UNC13A: variants seen among roughly 807,000 people sequenced by gnomAD.
UNC13A encodes the protein unc-13 homolog A.
Under a neutral mutation model 219.7 loss-of-function variants are expected in UNC13A, and 61 were observed. That is an observed-to-expected ratio of 0.28 (90% CI 0.23 to 0.34). The LOEUF (loss-of-function observed/expected upper bound fraction) is 0.34. Among genes scored for constraint, UNC13A ranks in the 10% least tolerant of loss-of-function variants. UNC13A has a pLI of 1.00. For missense variants in UNC13A, 1,476 were observed against 2,270.3 expected (o/e 0.65, Z 7.11); for synonymous variants, 920 against 884.6 (o/e 1.04, Z -0.71).
In UNC13A at chr19:17,627,849, C is replaced by T. The variant is rs76225638; in HGVS notation, c.3831+14G>A. On this transcript the variant is annotated intron_variant, in intron 32 of 43. Transcript: ENST00000519716. The surrounding 1 kb of genome is among the most constrained non-coding windows in gnomAD (Gnocchi z 4.7). Reference sequence around the variant, plus strand: ...CCCCATCCCTTCTCCAGCCCTGCCTCGGCCCTGCCTCACCTCCTTTCCTCC... The same window carrying T: ...CCCCATCCCTTCTCCAGCCCTGCCTTGGCCCTGCCTCACCTCCTTTCCTCC... 0.048 allele frequency: 77,024 copies of T among 1,590,416 alleles called. 2,092 individuals are homozygous for T. Among genetic ancestry groups the T allele is most frequent in the Non-Finnish European group, 0.055 (64,470 of 1,166,640 alleles).
Position 17,604,234 on chromosome 19 carries a change from TCTCCCCAACTTAAAACAGCTCCTGGAG to T in UNC13A, c.*1793_*1819del, listed in dbSNP as rs1720485455. The T allele has an allele frequency of 1.3e-5, 2 of 152,100 alleles. No homozygotes were observed. Among genetic ancestry groups the T allele is most frequent in the South Asian group, 2.1e-4 (1 of 4,826 alleles). The allele number at this position is 152,100 out of a possible 1,614,324, so 9.4% of individuals were successfully genotyped here. A position where few individuals can be genotyped will look rare whatever the true frequency, so the allele number is the denominator to read the frequency against. ...AGCTTTTGCAGGCTGGAATCCAGTC[TCTCCCCAACTTAAAACAGCTCCTGGAG>T]CTCCCCAACTGTCTTAGAATAAAAG... On this transcript the variant is annotated 3_prime_UTR_variant, in exon 44 of 44. Coordinates refer to ENST00000519716, the MANE Select transcript of UNC13A (RefSeq NM_001080421.3).
In UNC13A at chr19:17,620,825, A is replaced by T. The variant is rs996272746; in HGVS notation, c.4243-103T>A. 4 of 1,365,240 alleles carry T rather than the reference A, an allele frequency of 2.9e-6. No individual in the cohort carries two copies. In the African/African-American group the frequency reaches 4.3e-5, roughly 15 times the overall value. 84.6% of individuals were successfully genotyped at this position (1,365,240 alleles called of 1,614,324 possible). On this transcript the variant is annotated intron_variant, in intron 37 of 43. Transcript: ENST00000519716. ...AAAGCACAGTCTCACTTCCCAGCCC[A>T]GGAGCTCCTCCCCAGGTCCTGGGTC...
chr19:17,606,049 C>A lies in UNC13A; in HGVS notation c.*5G>T. On this transcript the variant is annotated 3_prime_UTR_variant, in exon 44 of 44. Coordinates refer to ENST00000519716, the MANE Select transcript of UNC13A (RefSeq NM_001080421.3). ...GGCGCAGTGCCGCTCGGCCGACCGC[C>A]CGCGCTAAGGCGCAGGCGCGGCACC... is the stretch of plus-strand genomic sequence containing the variant. 6.6e-7 allele frequency: 1 copy of A among 1,520,722 alleles called. No individual in the cohort carries two copies. Among genetic ancestry groups the A allele is most frequent in the Non-Finnish European group, 8.8e-7 (1 of 1,141,488 alleles). 94.2% of individuals were successfully genotyped at this position (1,520,722 alleles called of 1,614,324 possible).
intron 10 of UNC13A, among the ~76,000 whole-genome samples, 189 bp downstream of exon 10, chr19:17,655,690 CTCCT>C (rs2079436715): frequency 6.6e-6 from 1 of 151,864 alleles, no homozygotes; most frequent in African/African-American, 2.4e-5. Flanking sequence ...AACTCTAAGT[CTCCT>C]TCACGGCCCC....
chr19:17,631,372 C>T (rs956929753), intron 28 of UNC13A, among the ~76,000 whole-genome samples: 8 of 151,118 alleles, frequency 5.3e-5, no homozygotes, highest in Non-Finnish European at 7.4e-5. Flanking sequence ...AGGCACATGC[C>T]ACCATGCCCG....
chr19:17,649,263 T>C lies in UNC13A; in HGVS notation c.1524+76A>G. 2 of 1,536,182 alleles carry C rather than the reference T, an allele frequency of 1.3e-6. No individual in the cohort carries two copies. The highest frequency in any genetic ancestry group is 1.8e-4 in the Middle Eastern group (1 of 5,688). On this transcript the variant is annotated intron_variant, in intron 14 of 43. Coordinates refer to ENST00000519716, the MANE Select transcript of UNC13A (RefSeq NM_001080421.3). This position sits in a 1 kb window ranked among gnomAD's most constrained non-coding sequence, Gnocchi z 4.4. ...GCAAGGTTCCCCCATAATCCATGAATTGGGGGCCTGTTAGAAGATCCCAGT... is the reference window on the plus strand; with the variant it reads ...GCAAGGTTCCCCCATAATCCATGAACTGGGGGCCTGTTAGAAGATCCCAGT...
Position 17,678,755 on chromosome 19 carries a change from C to T in UNC13A, c.23-2714G>A, listed in dbSNP as rs372764640. ...GGTCCAGCCTGCAGGCGTGGGGACT[C>T]TCTGTGAAGGGGGTGGGCAGGGGAA... On this transcript the variant is annotated intron_variant, in intron 1 of 43. Transcript: ENST00000519716. Among the ~76,000 whole-genome samples the T allele has an allele frequency of 1.1e-4, 16 of 151,622 alleles. No homozygotes were observed. In the East Asian group the frequency reaches 2.7e-3, roughly 26 times the overall value.
intron 11 of UNC13A, among the ~76,000 whole-genome samples, chr19:17,652,964 C>A (rs978296982): frequency 3.3e-5 from 5 of 152,170 alleles, no homozygotes; most frequent in Admixed American, 1.3e-4. Flanking sequence ...TGTTCATCTG[C>A]TCTCTTGCCT....
chr19:17,681,350 G>A (rs1397812693), intron 1 of UNC13A, among the ~76,000 whole-genome samples: 2 of 152,044 alleles, frequency 1.3e-5, no homozygotes, highest in African/African-American at 4.8e-5. Flanking sequence ...GGGAAGGGAG[G>A]AAGCATAGAG....
At chr19:17,669,718 G>A in intron 4 of UNC13A, 42 bp from the exon 5 acceptor site, 1 of 1,572,956 alleles carries the variant, frequency 6.4e-7, no homozygotes, top group Non-Finnish European at 8.6e-7. Flanking sequence ...GGAATCTGCT[G>A]GTCACTAGTC....
Position 17,656,380 on chromosome 19 carries a change from G to A in UNC13A, c.786C>T (p.Arg262=), listed in dbSNP as rs2079454764. ...GGCTCAGCTCCCCGGAAGAGGCATA[G>A]CGGCTGCTACCCGTGGGGCTGTGGG... ...PQALSPTGSS[R]YASSGELSQG... Residue 262 remains arginine, a synonymous_variant, in exon 10 of 44, where the codon CGC becomes CGT. Coordinates refer to ENST00000519716, the MANE Select transcript of UNC13A (RefSeq NM_001080421.3). 6.5e-7 allele frequency: 1 copy of A among 1,542,168 alleles called. No individual in the cohort carries two copies. The highest frequency in any genetic ancestry group is 2.4e-5 in the East Asian group (1 of 41,452).
chr19:17,612,242 C>T (rs547434951), intron 41 of UNC13A: 34 of 168,458 alleles, frequency 2.0e-4, no homozygotes, highest in Non-Finnish European at 3.4e-4. Context: ...CAACTCGATT[C>T]TCATCCTACA....
At chr19:17,643,061 G>A (rs886722601) in intron 19 of UNC13A, 101 bp from the exon 20 acceptor site, 3 of 871,762 alleles carry the variant, frequency 3.4e-6, no homozygotes, top group East Asian at 2.8e-5. Flanking sequence ...ACCCAGGCTG[G>A]AGTGCAGTGG....
chr19:17,675,621 A>C (rs1474393835), intron 2 of UNC13A, among the ~76,000 whole-genome samples: 2 of 128,948 alleles, frequency 1.6e-5, no homozygotes, highest in African/African-American at 3.3e-5. Context: ...ACAGAAGGAG[A>C]CTCTGTCTCA....
At chr19:17,658,391 A>G in intron 8 of UNC13A, 122 bp from the exon 9 acceptor site, 2 of 915,012 alleles carry the variant, frequency 2.2e-6, no homozygotes, top group South Asian at 3.1e-5. Flanking sequence ...ACTAGTATGG[A>G]TAAAGAATTG....
chr19:17,606,138 G>A lies in UNC13A; in HGVS notation c.5028C>T (p.Ser1676=), dbSNP rs746545284. 4 of 1,591,630 alleles carry A rather than the reference G, an allele frequency of 2.5e-6. No homozygotes were observed. The East Asian group carries it at 9.3e-5, about 37-fold the overall frequency. ...CGAACTCCTTGGCCACCTCGTCGTT[G>A]CTGCGCTGCGAGAGGATTCGCAGCA... The part of the protein sequence containing the change: ...LTVLRILSQR[S]NDEVAKEFVK... The change falls in exon 44 of 44, where the codon AGC becomes AGT. Residue 1676 remains serine (S), a synonymous_variant. Transcript: ENST00000519716.
chr19:17,681,069 C>CTTTTTTTT (rs71929988), intron 1 of UNC13A, among the ~76,000 whole-genome samples: 4 of 96,078 alleles, frequency 4.2e-5, no homozygotes, highest in Non-Finnish European at 5.9e-5. Flanking sequence ...TTGGCTATTC[C>CTTTTTTTT]TTTTTTTTTT....
rs777915512 is a variant in UNC13A, at chr19:17,632,798, C to T, written c.3412G>A (p.Val1138Met). Residue 1138 changes from valine (V) to methionine (M), a missense_variant, in exon 28 of 44, where the codon GTG becomes ATG. Val to Met is a conservative substitution (Grantham distance 21, BLOSUM62 1). Around this residue, in one of 14 missense-constraint regions of UNC13A, gnomAD observed 218 missense variants for 409.4 expected, o/e 0.53. Transcript: ENST00000519716. Reference sequence around the variant, plus strand: ...GGGACTTACGCAGGGTACTCAGGCACGCGGTCCTTGAAGGCGGGAAGTTCC... The same window carrying T: ...GGGACTTACGCAGGGTACTCAGGCATGCGGTCCTTGAAGGCGGGAAGTTCC... ...VTELPAFKDR[V>M]PEYPAWFEPF... 15 of 1,613,754 alleles carry T rather than the reference C, an allele frequency of 9.3e-6. No homozygotes were observed. The highest frequency in any genetic ancestry group is 1.3e-5 in the African/African-American group (1 of 74,912).
chr19:17,643,374 C>A (rs569990236), intron 19 of UNC13A, among the ~76,000 whole-genome samples: 6 of 151,904 alleles, frequency 3.9e-5, no homozygotes, highest in Admixed American at 2.6e-4. Context: ...GGTTAGAGTG[C>A]GGTGGCGCAA....
Sources: allele counts gnomAD v4.1 joint callset (sites outside exome capture counted in the v4.1 genomes callset), GRCh38; gene constraint gnomAD v4.1.1; regional missense constraint gnomAD v4.1.1; non-coding constraint Gnocchi (gnomAD v3.1); transcripts MANE v1.5; gene names NCBI Gene and HGNC (gene_info 2026-07-23, HGNC 2026-07-21).